The following EPS8 variants were observed in gnomAD, a reference collection of about 807,000 sequenced individuals.
The protein encoded by EPS8 is EGFR pathway substrate 8, signaling adaptor.
Under a neutral mutation model 103.8 loss-of-function variants are expected in EPS8, and 42 were observed. That is an observed-to-expected ratio of 0.40 (90% CI 0.32 to 0.52). The LOEUF (loss-of-function observed/expected upper bound fraction) is 0.52, where lower values mean the gene tolerates loss of function less well. Among genes scored for constraint, EPS8 ranks in the 20% least tolerant of loss-of-function variants. EPS8 has a pLI of 0.40. For missense variants in EPS8, 969 were observed against 1,005.1 expected (o/e 0.96, Z 0.49); for synonymous variants, 344 against 344.6 (o/e 1.00, Z 0.02).
rs940108886 is a variant in EPS8, at chr12:15,733,830, T to A, written c.-21-50858A>T. On this transcript the variant is annotated intron_variant, in intron 1 of 20. Coordinates refer to ENST00000281172, the MANE Select transcript of EPS8 (RefSeq NM_004447.6). This position sits in a 1 kb window ranked among gnomAD's most constrained non-coding sequence, Gnocchi z 4.8. Reference sequence around the variant, plus strand: ...AGAAATGTAAAAACATTGAAAATAATGTAAGCTGGTTTTTAATGGAAAATA... The same window carrying A: ...AGAAATGTAAAAACATTGAAAATAAAGTAAGCTGGTTTTTAATGGAAAATA... Among the ~76,000 whole-genome samples the A allele has an allele frequency of 6.6e-6, 1 of 152,152 alleles. No homozygotes were observed. Among genetic ancestry groups the A allele is most frequent in the Non-Finnish European group, 1.5e-5 (1 of 68,032 alleles).
At chr12:15,758,123 G>A (rs1947006473) in intron 1 of EPS8, among the ~76,000 whole-genome samples, 1 of 152,162 alleles carries the variant, frequency 6.6e-6, no homozygotes, top group Non-Finnish European at 1.5e-5. Flanking sequence ...AAGTCACATA[G>A]CATGACTTCT....
In EPS8 at chr12:15,671,431, A is replaced by G. The variant is rs374564033; in HGVS notation, c.137-508T>C. 3.9e-5 allele frequency among the ~76,000 whole-genome samples: 6 copies of G among 152,256 alleles called. No homozygotes were observed. In the South Asian group the frequency reaches 6.2e-4, roughly 16 times the overall value. On this transcript the variant is annotated intron_variant, in intron 3 of 20. Coordinates refer to ENST00000281172, the MANE Select transcript of EPS8 (RefSeq NM_004447.6). The stretch of plus-strand genomic sequence containing the variant: ...GATAGTGTTAGAGGAGATTTAAAAC[A>G]TGATTCAATCACATGGCTTGCCATT...
intron 6 of EPS8, 88 bp from the exon 7 acceptor site, chr12:15,666,610 G>T: frequency 2.3e-6 from 2 of 882,200 alleles, no homozygotes; most frequent in South Asian, 1.5e-5. Context: ...ATTGTTCCTT[G>T]TCTGAATCAG....
At position 15,713,329 on chromosome 12, in the gene EPS8, A is replaced by T. The variant is rs1389997583; in HGVS notation, c.-21-30357T>A. On this transcript the variant is annotated intron_variant, in intron 1 of 20. Coordinates refer to ENST00000281172, the MANE Select transcript of EPS8 (RefSeq NM_004447.6). This position sits in a 1 kb window ranked among gnomAD's most constrained non-coding sequence, Gnocchi z 4.8. ...TGAAGACTTCCCACTACAGACACTA[A>T]GAAAAGAAGAAAATAAGTGTAACAA... The T allele has an allele frequency of 6.6e-6, 1 of 152,126 alleles. No homozygotes were observed. Among genetic ancestry groups the T allele is most frequent in the Non-Finnish European group, 1.5e-5 (1 of 68,042 alleles). 9.4% of individuals were successfully genotyped at this position (152,126 alleles called of 1,614,324 possible). A position where few individuals can be genotyped will look rare whatever the true frequency, so the allele number is the denominator to read the frequency against.
At position 15,693,942 on chromosome 12, in the gene EPS8, C is replaced by T. The variant is rs1207897951; in HGVS notation, c.-21-10970G>A. Among the ~76,000 whole-genome samples, 1 of 152,162 alleles carries T rather than the reference C, an allele frequency of 6.6e-6. No homozygotes were observed. The highest frequency in any genetic ancestry group is 1.5e-5 in the Non-Finnish European group (1 of 68,036). On this transcript the variant is annotated intron_variant, in intron 1 of 20. Coordinates refer to ENST00000281172, the MANE Select transcript of EPS8 (RefSeq NM_004447.6). The surrounding 1 kb of genome is among the most constrained non-coding windows in gnomAD (Gnocchi z 5.6). ...AGAGCATCAGGACAAATAGCTAATG[C>T]ATGCGGGTCTTAACACCTAGGTGAT...
chr12:15,749,580 T>C lies in EPS8; in HGVS notation c.-22+39581A>G, dbSNP rs936259266. On this transcript the variant is annotated intron_variant, in intron 1 of 20. Transcript: ENST00000281172. This position sits in a 1 kb window ranked among gnomAD's most constrained non-coding sequence, Gnocchi z 4.0. ...ATCTTCTTCACTCTGGCTGCGACTA[T>C]GCCTCACTCAGAGAAGGGACTCAAT... is the stretch of plus-strand genomic sequence containing the variant. Among the ~76,000 whole-genome samples, 2 of 152,198 alleles carry C rather than the reference T, an allele frequency of 1.3e-5. No homozygotes were observed. The highest frequency in any genetic ancestry group is 1.9e-4 in the East Asian group (1 of 5,204).
At chr12:15,708,512 A>T (rs1012566103) in intron 1 of EPS8, among the ~76,000 whole-genome samples, 1 of 152,220 alleles carries the variant, frequency 6.6e-6, no homozygotes, top group African/African-American at 2.4e-5. Flanking sequence ...ATATGAATGA[A>T]TATGGCTCAT....
Position 15,621,163 on chromosome 12 carries a change from C to A in EPS8, c.*154G>T, listed in dbSNP as rs576199646. 4.0e-5 allele frequency: 19 copies of A among 473,168 alleles called. No individual in the cohort carries two copies. The African/African-American group carries it at 4.0e-4, about 10-fold the overall frequency. The allele number at this position is 473,168 out of a possible 1,614,324, so 29.3% of individuals were successfully genotyped here. ...TTAATAAAAATAATGGGCCTAGAAG[C>A]AAATCCTGTGCTCACTCAGGTTTGC... On this transcript the variant is annotated 3_prime_UTR_variant, in exon 21 of 21. Coordinates refer to ENST00000281172, the MANE Select transcript of EPS8 (RefSeq NM_004447.6).
rs181052820 is a variant in EPS8, at chr12:15,700,825, A to G, written c.-21-17853T>C. 8.8e-4 allele frequency among the ~76,000 whole-genome samples: 134 copies of G among 152,334 alleles called. 1 individual carries two copies. In the Middle Eastern group the frequency reaches 0.02, roughly 23 times the overall value. On this transcript the variant is annotated intron_variant, in intron 1 of 20. Coordinates refer to ENST00000281172, the MANE Select transcript of EPS8 (RefSeq NM_004447.6). This position sits in a 1 kb window ranked among gnomAD's most constrained non-coding sequence, Gnocchi z 5.1. ...TTTTTCTTGGAAGGAAGTCCATACA[A>G]GTGCCATTTCTTTCAAACACTGATT...
chr12:15,705,697 C>T (rs1946376750), intron 1 of EPS8, among the ~76,000 whole-genome samples: 1 of 152,170 alleles, frequency 6.6e-6, no homozygotes, highest in Non-Finnish European at 1.5e-5. Flanking sequence ...AAGTTATTGA[C>T]ATTTTATGGC....
At chr12:15,705,945 A>G (rs1187909391) in intron 1 of EPS8, among the ~76,000 whole-genome samples, 1 of 151,686 alleles carries the variant, frequency 6.6e-6, no homozygotes, top group Non-Finnish European at 1.5e-5. Context: ...TGTAAAACAT[A>G]CACAAGTATC....
At chr12:15,643,722 A>G (rs1053458955) in intron 15 of EPS8, among the ~76,000 whole-genome samples, 2 of 142,978 alleles carry the variant, frequency 1.4e-5, no homozygotes, top group Non-Finnish European at 3.1e-5. Flanking sequence ...CTGGGCGACA[A>G]GAGCAAAACT....
chr12:15,630,227 T>TAC (rs1373718185), intron 18 of EPS8, among the ~76,000 whole-genome samples: 3 of 71,122 alleles, frequency 4.2e-5, no homozygotes, highest in African/African-American at 1.2e-4. Flanking sequence ...CACACACACA[T>TAC]ACACACACAC....
Position 15,698,592 on chromosome 12 carries a change from C to T in EPS8, c.-21-15620G>A, listed in dbSNP as rs1273810892. On this transcript the variant is annotated intron_variant, in intron 1 of 20. Transcript: ENST00000281172. This position sits in a 1 kb window ranked among gnomAD's most constrained non-coding sequence, Gnocchi z 4.9. ...AAAAAAATTTAGCTGCTAAGAAGCC[C>T]CAGGAATAGCACGTACCGGCACATA... Among the ~76,000 whole-genome samples the T allele has an allele frequency of 6.6e-6, 1 of 151,958 alleles. No homozygotes were observed. The highest frequency in any genetic ancestry group is 1.5e-5 in the Non-Finnish European group (1 of 68,000).
Position 15,777,301 on chromosome 12 carries a change from A to C in EPS8, c.-22+11860T>G. 6.6e-6 allele frequency among the ~76,000 whole-genome samples: 1 copy of C among 152,124 alleles called. No individual in the cohort carries two copies. The highest frequency in any genetic ancestry group is 2.4e-5 in the African/African-American group (1 of 41,436). ...AAAACACACACACACACACAAAACA[A>C]AACAAAAAACCAACAGCATATGTTC... On this transcript the variant is annotated intron_variant, in intron 1 of 20. Coordinates refer to ENST00000281172, the MANE Select transcript of EPS8 (RefSeq NM_004447.6). This position sits in a 1 kb window ranked among gnomAD's most constrained non-coding sequence, Gnocchi z 4.7.
In EPS8 at chr12:15,760,034, C is replaced by T. The variant is rs1338390427; in HGVS notation, c.-22+29127G>A. On this transcript the variant is annotated intron_variant, in intron 1 of 20. Coordinates refer to ENST00000281172, the MANE Select transcript of EPS8 (RefSeq NM_004447.6). The surrounding 1 kb of genome is among the most constrained non-coding windows in gnomAD (Gnocchi z 4.5). Reference sequence around the variant, plus strand: ...ATCAATGAAACTAAAAGTTGGTTTTCTAAATAAACAAAATTGATGAACCTT... The same window carrying T: ...ATCAATGAAACTAAAAGTTGGTTTTTTAAATAAACAAAATTGATGAACCTT... Among the ~76,000 whole-genome samples, 1 of 151,448 alleles carries T rather than the reference C, an allele frequency of 6.6e-6. No homozygotes were observed. The highest frequency in any genetic ancestry group is 1.5e-5 in the Non-Finnish European group (1 of 67,692).
In EPS8 at chr12:15,624,552, T is replaced by C. The variant is rs4623959; in HGVS notation, c.2045-145A>G. 543,085 of 544,654 alleles carry C rather than the reference T, an allele frequency of 1. 270,778 individuals carry two copies. The highest frequency in any genetic ancestry group is 1 in the East Asian group (33,336 of 33,342). 33.7% of individuals were successfully genotyped at this position (544,654 alleles called of 1,614,324 possible). ...ATCTTTCCTCACTTTTATCCTCGCC[T>C]GGTATAAATGCCATGATCAATTATT... is the stretch of plus-strand genomic sequence containing the variant. On this transcript the variant is annotated intron_variant, in intron 18 of 20. Transcript: ENST00000281172.
rs1193521802 is a variant in EPS8, at chr12:15,684,424, A to G, written c.-21-1452T>C. 5 of 152,172 alleles carry G rather than the reference A, an allele frequency of 3.3e-5. No individual in the cohort carries two copies. The East Asian group carries it at 7.7e-4, about 23-fold the overall frequency. 9.4% of individuals were successfully genotyped at this position (152,172 alleles called of 1,614,324 possible). A position where few individuals can be genotyped will look rare whatever the true frequency, so the allele number is the denominator to read the frequency against. On this transcript the variant is annotated intron_variant, in intron 1 of 20. Transcript: ENST00000281172. This position sits in a 1 kb window ranked among gnomAD's most constrained non-coding sequence, Gnocchi z 4.9. ...ATACCTGACTCTTCACTAAACTCTT[A>G]GCCCCCAAAAGGCTTGAATTTTTGT...
Position 15,695,701 on chromosome 12 carries a change from A to C in EPS8, c.-21-12729T>G, listed in dbSNP as rs978358688. 6.6e-6 allele frequency among the ~76,000 whole-genome samples: 1 copy of C among 152,150 alleles called. No individual in the cohort carries two copies. The highest frequency in any genetic ancestry group is 1.5e-5 in the Non-Finnish European group (1 of 68,010). Reference sequence around the variant, plus strand: ...ATGAAATAAGAAAATGAGGCAGGGCATGGTGGCCCACACCTATAATCCCAG... The same window carrying C: ...ATGAAATAAGAAAATGAGGCAGGGCCTGGTGGCCCACACCTATAATCCCAG... On this transcript the variant is annotated intron_variant, in intron 1 of 20. Transcript: ENST00000281172. The surrounding 1 kb of genome is among the most constrained non-coding windows in gnomAD (Gnocchi z 5.0).
Sources: allele counts gnomAD v4.1 joint callset (sites outside exome capture counted in the v4.1 genomes callset), GRCh38; gene constraint gnomAD v4.1.1; non-coding constraint Gnocchi (gnomAD v3.1); transcripts MANE v1.5; gene names NCBI Gene and HGNC (gene_info 2026-07-23, HGNC 2026-07-21).